PRKD1: variants seen among roughly 807,000 people sequenced by gnomAD.
The protein encoded by PRKD1 is serine/threonine-protein kinase D1.
A neutral mutation model predicts 95.9 loss-of-function variants in PRKD1; 63 were observed. That is an observed-to-expected ratio of 0.66 (90% CI 0.54 to 0.81). PRKD1 has a LOEUF of 0.81. Among genes scored for constraint, PRKD1 ranks in the 30% least tolerant of loss-of-function variants. The probability of loss-of-function intolerance (pLI) is 0.00; values close to 1 mark genes in which losing one functional copy is unlikely to be tolerated. For missense variants in PRKD1, 1,048 were observed against 1,165.3 expected (o/e 0.90, Z 1.47); for synonymous variants, 425 against 423.1 (o/e 1.00, Z -0.05).
intron 1 of PRKD1, among the ~76,000 whole-genome samples, chr14:29,746,602 G>T (rs904166361): frequency 4.6e-5 from 7 of 152,080 alleles, no homozygotes; most frequent in African/African-American, 1.7e-4. Flanking sequence ...GAGCGACTGT[G>T]TGTGTGCTTT....
At chr14:29,706,892 T>C (rs2139343678) in intron 2 of PRKD1, among the ~76,000 whole-genome samples, 1 of 152,256 alleles carries the variant, frequency 6.6e-6, no homozygotes, top group African/African-American at 2.4e-5. Flanking sequence ...AGGATATATG[T>C]GCTGAGTCAT....
chr14:29,732,897 T>G (rs1422887159), intron 1 of PRKD1, among the ~76,000 whole-genome samples: 1 of 149,942 alleles, frequency 6.7e-6, no homozygotes, highest in Non-Finnish European at 1.5e-5. Flanking sequence ...AATTTGATAG[T>G]GATGTGCCTT....
chr14:29,597,677 G>C lies in PRKD1; in HGVS notation c.2248C>G (p.Leu750Val), dbSNP rs1394155854. 1 of 1,613,874 alleles carries C rather than the reference G, an allele frequency of 6.2e-7. No individual in the cohort carries two copies. The highest frequency in any genetic ancestry group is 1.7e-5 in the Admixed American group (1 of 59,954). Residue 750 changes from leucine (L) to valine (V), a missense_variant, in exon 16 of 18, where the codon CTG (leucine) becomes GTG (valine). Physicochemically the swap from Leu to Val is conservative, Grantham distance 32 (BLOSUM62 1). Transcript: ENST00000331968. ...RRSVVGTPAY[L>V]APEVLRNKGY... is the part of the protein sequence containing the mutation. ...TTGTTCCTTAGGACCTCAGGAGCCA[G>C]GTAAGCGGGGGTACCCACCACTGAC...
intron 4 of PRKD1, among the ~76,000 whole-genome samples, chr14:29,654,253 C>T (rs1881703020): frequency 6.6e-6 from 1 of 152,020 alleles, no homozygotes; most frequent in South Asian, 2.1e-4. Flanking sequence ...CCCAATGCAA[C>T]CTCTGCCTCT....
At chr14:29,836,758 A>G (rs966804179) in intron 1 of PRKD1, among the ~76,000 whole-genome samples, 1 of 152,170 alleles carries the variant, frequency 6.6e-6, no homozygotes, top group Non-Finnish European at 1.5e-5. Context: ...ATTTCAGGAA[A>G]GGGGAGCACA....
intron 1 of PRKD1, among the ~76,000 whole-genome samples, chr14:29,828,096 A>G (rs1891267993): frequency 2.0e-5 from 3 of 152,152 alleles, no homozygotes; most frequent in African/African-American, 7.2e-5. Context: ...CTAATAATAA[A>G]TGTAAATCAC....
chr14:29,855,877 T>C (rs1234537326), intron 1 of PRKD1, among the ~76,000 whole-genome samples: 3 of 152,188 alleles, frequency 2.0e-5, no homozygotes, highest in Non-Finnish European at 4.4e-5. Context: ...CGTGACTTGT[T>C]CCTTCTTGCT....
rs573500211 is a variant in PRKD1, at chr14:29,655,924, A to AATAT, written c.696+7771_696+7774dup. Among the ~76,000 whole-genome samples the AATAT allele has an allele frequency of 8.2e-3, 1,232 of 149,576 alleles. 20 individuals are homozygous for AATAT. The highest frequency in any genetic ancestry group is 0.028 in the African/African-American group (1,148 of 40,996). On this transcript the variant is annotated intron_variant, in intron 4 of 17. Coordinates refer to ENST00000331968, the MANE Select transcript of PRKD1 (RefSeq NM_002742.3). Reference sequence around the variant, plus strand: ...CCCTAGAACTTAAAGTATAATAAAAAATATATATATATATTAAAAAAAGAA... The same window carrying AATAT: ...CCCTAGAACTTAAAGTATAATAAAAAATATATATATATATATATTAAAAAAAGAA...
chr14:29,597,320 G>A (rs1893343295), intron 16 of PRKD1, among the ~76,000 whole-genome samples, 171 bp downstream of exon 16: 1 of 152,028 alleles, frequency 6.6e-6, no homozygotes, highest in Non-Finnish European at 1.5e-5. Flanking sequence ...CCCAATTTCT[G>A]TTATGTGTAT....
chr14:29,919,638 T>C (rs1342064562), intron 1 of PRKD1, among the ~76,000 whole-genome samples: 2 of 152,180 alleles, frequency 1.3e-5, no homozygotes, highest in African/African-American at 2.4e-5. Flanking sequence ...AAAATCACCA[T>C]TTTCTTTGTA....
At position 29,885,124 on chromosome 14, in the gene PRKD1, TAA is replaced by T. The variant is rs1220944588; in HGVS notation, c.264+42123_264+42124del. Among the ~76,000 whole-genome samples the T allele has an allele frequency of 3.3e-3, 436 of 131,026 alleles. 1 individual carries two copies. Among genetic ancestry groups the T allele is most frequent in the African/African-American group, 0.01 (365 of 35,080 alleles). 86.0% of individuals were successfully genotyped at this position (131,026 alleles called of 152,430 possible). A position where few individuals can be genotyped will look rare whatever the true frequency, so the allele number is the denominator to read the frequency against. ...GGCAACAGAGCGAGACTCCATCTTT[TAA>T]AAAAAAAAAAAAAAAAAGAATTAGT... On this transcript the variant is annotated intron_variant, in intron 1 of 17. Transcript: ENST00000331968.
chr14:29,767,435 C>G lies in PRKD1; in HGVS notation c.265-41761G>C, dbSNP rs28626503. 5.1e-3 allele frequency among the ~76,000 whole-genome samples: 777 copies of G among 152,178 alleles called. 7 individuals carry two copies. The highest frequency in any genetic ancestry group is 0.016 in the African/African-American group (665 of 41,520). ...AGTGTCAGTTGCCCCGTGGTTATACCTTTTGGAGCCATGCAAAACATCTCT... is the reference window on the plus strand; with the variant it reads ...AGTGTCAGTTGCCCCGTGGTTATACGTTTTGGAGCCATGCAAAACATCTCT... On this transcript the variant is annotated intron_variant, in intron 1 of 17. Coordinates refer to ENST00000331968, the MANE Select transcript of PRKD1 (RefSeq NM_002742.3).
intron 1 of PRKD1, among the ~76,000 whole-genome samples, chr14:29,775,352 G>A (rs934287236): frequency 3.9e-5 from 6 of 152,284 alleles, no homozygotes; most frequent in Middle Eastern, 6.8e-3. Context: ...GCGAGGCATC[G>A]CCTCACCCGG....
chr14:29,714,793 T>C (rs1172693668), intron 2 of PRKD1, among the ~76,000 whole-genome samples: 1 of 152,052 alleles, frequency 6.6e-6, no homozygotes, highest in Admixed American at 6.6e-5. Flanking sequence ...AAAGGATGAG[T>C]TCATGTCCTT....
intron 13 of PRKD1, among the ~76,000 whole-genome samples, chr14:29,603,181 T>C (rs1447195546): frequency 6.6e-6 from 1 of 152,222 alleles, no homozygotes; most frequent in African/African-American, 2.4e-5. Context: ...ATTTACACTT[T>C]ACAGTTTTCC....
chr14:29,914,873 C>T (rs1482383789), intron 1 of PRKD1, among the ~76,000 whole-genome samples: 19 of 151,888 alleles, frequency 1.3e-4, no homozygotes, highest in Admixed American at 3.3e-4. Flanking sequence ...CCCGGGTTCA[C>T]GCCATCCAGG....
At chr14:29,733,457 G>A (rs1886557865) in intron 1 of PRKD1, among the ~76,000 whole-genome samples, 1 of 152,068 alleles carries the variant, frequency 6.6e-6, no homozygotes, top group Non-Finnish European at 1.5e-5. Flanking sequence ...TATGCTATTA[G>A]TCGGTTCTCA....
chr14:29,737,829 G>GT (rs1886801602), intron 1 of PRKD1, among the ~76,000 whole-genome samples: 1 of 152,172 alleles, frequency 6.6e-6, no homozygotes, highest in African/African-American at 2.4e-5. Flanking sequence ...TCATAAACTT[G>GT]TATTATTAAC....
rs750898742 is a variant in PRKD1 at position 29,740,016 on chromosome 14, G to A, written c.265-14342C>T. The stretch of plus-strand genomic sequence containing the variant: ...TAAATGTTCATATCAAGCAATTACA[G>A]GAGGTAATAATCAATGAGAGCCTCA... On this transcript the variant is annotated intron_variant, in intron 1 of 17. Coordinates refer to ENST00000331968, the MANE Select transcript of PRKD1 (RefSeq NM_002742.3). Among the ~76,000 whole-genome samples, 6 of 152,220 alleles carry A rather than the reference G, an allele frequency of 3.9e-5. No homozygotes were observed. In the South Asian group the frequency reaches 8.3e-4, roughly 21 times the overall value.
Sources: allele counts gnomAD v4.1 joint callset (sites outside exome capture counted in the v4.1 genomes callset), GRCh38; gene constraint gnomAD v4.1.1; transcripts MANE v1.5; gene names NCBI Gene and HGNC (gene_info 2026-07-23, HGNC 2026-07-21).